The following VAMP7 variants were observed in gnomAD, a reference collection of about 807,000 sequenced individuals.
VAMP7 encodes vesicle-associated membrane protein 7.
In VAMP7, 14 loss-of-function variants were observed where a neutral mutation model predicts 29.6. The ratio of observed to expected loss-of-function variants is 0.47; its 90% CI spans 0.31 to 0.74. The LOEUF is 0.74. Among genes scored for constraint, VAMP7 ranks in the 30% least tolerant of loss-of-function variants. VAMP7 has a pLI of 0.05. For missense variants in VAMP7, 223 were observed against 262.4 expected (o/e 0.85, Z 1.04); for synonymous variants, 95 against 88.1 (o/e 1.08, Z -0.44).
intron 6 of VAMP7, among the ~76,000 whole-genome samples, chrX:155,937,232 AAGC>A (rs1331529037): frequency 6.6e-6 from 1 of 152,176 alleles, no homozygotes; most frequent in African/African-American, 2.4e-5. Context: ...CAGTTCATAA[AAGC>A]AGAGAGTAAA....
At chrX:155,935,366 T>C (rs1242301210) in intron 6 of VAMP7, among the ~76,000 whole-genome samples, 2 of 152,180 alleles carry the variant, frequency 1.3e-5, no homozygotes, top group East Asian at 1.9e-4. Context: ...TCTTTTCACA[T>C]AGTCCCATAT....
At chrX:155,900,659 T>A in intron 5 of VAMP7, 72 bp downstream of exon 5, 1 of 1,358,470 alleles carries the variant, frequency 7.4e-7, no homozygotes, top group Non-Finnish European at 1.0e-6. Context: ...GTCAAATTAT[T>A]CTAGAGAAGC....
intron 2 of VAMP7, among the ~76,000 whole-genome samples, chrX:155,895,028 C>T (rs2065969886): frequency 6.6e-6 from 1 of 152,148 alleles, no homozygotes; most frequent in Non-Finnish European, 1.5e-5. Context: ...ATCTCCATTT[C>T]GTGCCTCATC....
intron 6 of VAMP7, among the ~76,000 whole-genome samples, chrX:155,927,257 A>C (rs1048884297): frequency 1.3e-5 from 2 of 152,046 alleles, no homozygotes; most frequent in African/African-American, 4.8e-5. Flanking sequence ...ATTAGGAGAA[A>C]TACCTAATGT....
chrX:155,884,370 G>A (rs1159922790), intron 1 of VAMP7, among the ~76,000 whole-genome samples: 11 of 150,006 alleles, frequency 7.3e-5, no homozygotes, highest in African/African-American at 1.2e-4. Flanking sequence ...TGGGTGATCC[G>A]CCCGCCTCAG....
intron 6 of VAMP7, among the ~76,000 whole-genome samples, chrX:155,922,776 T>C (rs2124357400): frequency 6.6e-6 from 1 of 152,180 alleles, no homozygotes; most frequent in East Asian, 1.9e-4. Context: ...CTGTCTTAGA[T>C]GTTTGGAAGA....
At chrX:155,939,592 G>A (rs1410923373) in intron 6 of VAMP7, 109 bp from the exon 7 acceptor site, 2 of 817,200 alleles carry the variant, frequency 2.4e-6, no homozygotes, top group Non-Finnish European at 2.1e-6. Flanking sequence ...GTAAAGAGAG[G>A]TCATTGGACT....
intron 7 of VAMP7, among the ~76,000 whole-genome samples, chrX:155,940,057 T>C (rs1377889128): frequency 6.0e-4 from 5 of 8,334 alleles, no homozygotes; most frequent in African/African-American, 2.7e-3. Flanking sequence ...TTATTTTAAA[T>C]AAAGACATTT....
At chrX:155,913,281 C>G (rs1347311124) in intron 5 of VAMP7, among the ~76,000 whole-genome samples, 1 of 151,972 alleles carries the variant, frequency 6.6e-6, no homozygotes, top group Non-Finnish European at 1.5e-5. Context: ...AGCCCTTTGT[C>G]AGATGGATAG....
At chrX:155,939,980 C>A (rs780072742) in intron 7 of VAMP7, among the ~76,000 whole-genome samples, 187 bp downstream of exon 7, 2 of 151,768 alleles carry the variant, frequency 1.3e-5, no homozygotes, top group South Asian at 4.2e-4. Flanking sequence ...ACCCCTCCTT[C>A]CTATTGAGAA....
intron 3 of VAMP7, among the ~76,000 whole-genome samples, chrX:155,896,587 G>A (rs1334863693): frequency 1.3e-5 from 2 of 152,058 alleles, no homozygotes; most frequent in African/African-American, 4.8e-5. Flanking sequence ...TGCCATTATG[G>A]TTTCGTAGAG....
chrX:155,884,789 C>T (rs2065846960), intron 1 of VAMP7, among the ~76,000 whole-genome samples: 2 of 152,186 alleles, frequency 1.3e-5, no homozygotes, highest in Admixed American at 6.5e-5. Context: ...TTTCTCAAAA[C>T]ACATGGACTT....
intron 5 of VAMP7, among the ~76,000 whole-genome samples, chrX:155,904,138 A>G (rs1344814451): frequency 1.4e-5 from 2 of 147,144 alleles, no homozygotes; most frequent in South Asian, 2.3e-4. Flanking sequence ...TCTCACTCAT[A>G]GGTGAGAATT....
chrX:155,889,373 A>G, intron 1 of VAMP7, 85 bp from the exon 2 acceptor site: 3 of 1,510,694 alleles, frequency 2.0e-6, no homozygotes, highest in South Asian at 1.3e-5. Context: ...ATCTCCAGGT[A>G]GTATGTTGAT....
intron 3 of VAMP7, 130 bp from the exon 4 acceptor site, chrX:155,897,982 G>T: frequency 8.4e-7 from 1 of 1,184,144 alleles, no homozygotes; most frequent in Non-Finnish European, 1.2e-6. Flanking sequence ...TTTAAGATAG[G>T]ATCAATGCTA....
intron 2 of VAMP7, among the ~76,000 whole-genome samples, chrX:155,890,091 A>G (rs921473898): frequency 9.9e-5 from 15 of 152,056 alleles, no homozygotes; most frequent in Middle Eastern, 3.4e-3. Flanking sequence ...GAAGTAGTAG[A>G]TAGGAGAATG....
At chrX:155,926,933 T>G (rs1569448516) in intron 6 of VAMP7, among the ~76,000 whole-genome samples, 2 of 152,150 alleles carry the variant, frequency 1.3e-5, no homozygotes, top group Admixed American at 1.3e-4. Flanking sequence ...AGTGAACAGT[T>G]AGAACACACA....
At position 155,943,317 on chromosome X, in the gene VAMP7, A is replaced by G. The variant is rs903743608; in HGVS notation, c.*1366A>G. On this transcript the variant is annotated 3_prime_UTR_variant, in exon 8 of 8. Transcript: ENST00000286448. ...TAGCCTAGTCATGTGCCTTGAACAT[A>G]TATGTGTCCCATAATCTGGCTCATG... The G allele has an allele frequency of 1.4e-4, 21 of 152,238 alleles. No individual in the cohort carries two copies. Among genetic ancestry groups the G allele is most frequent in the African/African-American group, 5.1e-4 (21 of 41,314 alleles). 9.4% of individuals were successfully genotyped at this position (152,238 alleles called of 1,614,324 possible).
rs1387318748 is a variant in VAMP7, at chrX:155,881,359, G to T, written c.-99G>T. 1.3e-5 allele frequency: 2 copies of T among 152,224 alleles called. No individual in the cohort carries two copies. The highest frequency in any genetic ancestry group is 4.8e-5 in the African/African-American group (2 of 41,452). The allele number at this position is 152,224 out of a possible 1,614,324, so 9.4% of individuals were successfully genotyped here. A position where few individuals can be genotyped will look rare whatever the true frequency, so the allele number is the denominator to read the frequency against. ...CGGAAGTCAGCGGCGTCCGGTCCCA[G>T]CCTCCTCTGGGAGCGGGCAGTTGGC... On this transcript the variant is annotated 5_prime_UTR_variant, in exon 1 of 8. Transcript: ENST00000286448.
Sources: allele counts gnomAD v4.1 joint callset (sites outside exome capture counted in the v4.1 genomes callset), GRCh38; gene constraint gnomAD v4.1.1; transcripts MANE v1.5; gene names NCBI Gene and HGNC (gene_info 2026-07-23, HGNC 2026-07-21).